The following ATP1A4 variants were observed in gnomAD, a reference collection of about 807,000 sequenced individuals.
The protein encoded by ATP1A4 is ATPase Na+/K+ transporting subunit alpha 4, also known as sodium/potassium-transporting ATPase subunit alpha-4.
Under a neutral mutation model 114.3 loss-of-function variants are expected in ATP1A4, and 90 were observed. The observed-to-expected ratio is 0.79, with a 90% CI of 0.66 to 0.94. The LOEUF (loss-of-function observed/expected upper bound fraction) is 0.94. ATP1A4 is among the 40% of genes least tolerant of loss of function. The probability of loss-of-function intolerance (pLI) is 0.00; values close to 1 mark genes in which losing one functional copy is unlikely to be tolerated. For synonymous variants in ATP1A4, 511 were observed against 494.1 expected (o/e 1.03, Z -0.45); for missense variants, 1,222 against 1,313.6 (o/e 0.93, Z 1.08).
At position 160,186,330 on chromosome 1, in the gene ATP1A4, T is replaced by A. The variant is rs768745501; in HGVS notation, c.3024T>A (p.Asp1008Glu). Residue 1008 changes from aspartate to glutamate, a missense_variant, in exon 21 of 22, where the codon GAT (aspartate) becomes GAA (glutamate). Physicochemically the swap from Asp to Glu is conservative, Grantham distance 45. Coordinates refer to ENST00000368081, the MANE Select transcript of ATP1A4 (RefSeq NM_144699.4). ...ACAGTATTCTCATCTTCGTCTATGA[T>A]GAAATCAGAAAACTCCTCATCCGTC... Reference protein sequence around the residue: ...IPYSILIFVYDEIRKLLIRQH... With the variant: ...IPYSILIFVYEEIRKLLIRQH... 1 of 1,613,844 alleles carries A rather than the reference T, an allele frequency of 6.2e-7. No individual in the cohort carries two copies. The highest frequency in any genetic ancestry group is 1.1e-5 in the South Asian group (1 of 91,076).
intron 7 of ATP1A4, among the ~76,000 whole-genome samples, chr1:160,165,734 C>T (rs1016168130): frequency 1.3e-5 from 2 of 152,122 alleles, no homozygotes; most frequent in Non-Finnish European, 2.9e-5. Context: ...CAGAATGAGA[C>T]TCCGTCTCGA....
At chr1:160,156,187 G>A (rs2102010271) in intron 4 of ATP1A4, 29 bp downstream of exon 4, 1 of 1,432,668 alleles carries the variant, frequency 7.0e-7, no homozygotes, top group Non-Finnish European at 9.9e-7. Flanking sequence ...GATCTAGTGG[G>A]AGCAGGAGCA....
chr1:160,163,143 C>A (rs996618710), intron 6 of ATP1A4, among the ~76,000 whole-genome samples: 1 of 152,090 alleles, frequency 6.6e-6, no homozygotes, highest in Admixed American at 6.6e-5. Context: ...TCTTGGGTGA[C>A]CATCTCTGAT....
intron 15 of ATP1A4, 23 bp downstream of exon 15, chr1:160,174,770 G>C (rs745370060): frequency 6.2e-7 from 1 of 1,613,350 alleles, no homozygotes; most frequent in Non-Finnish European, 8.5e-7. Context: ...GGTGCCCATG[G>C]TGGAGACTTC....
chr1:160,160,459 T>C (rs1652831117), intron 6 of ATP1A4, among the ~76,000 whole-genome samples: 1 of 152,132 alleles, frequency 6.6e-6, no homozygotes, highest in South Asian at 2.1e-4. Context: ...TCAAGTGATC[T>C]GCCCTCCTCG....
rs764856675 is a variant in ATP1A4 at position 160,177,570 on chromosome 1, A to C, written c.2642A>C (p.Glu881Ala). 20 of 1,614,172 alleles carry C rather than the reference A, an allele frequency of 1.2e-5. No homozygotes were observed. The South Asian group carries it at 2.2e-4, about 18-fold the overall frequency. Residue 881 changes from glutamate (E) to alanine (A), a missense_variant, in exon 18 of 22, where the codon GAG (glutamate) becomes GCG (alanine). By Grantham distance (107) the Glu-to-Ala change is moderately radical. Transcript: ENST00000368081. ...TTTACCTACTTTGTAATCCTGGCTGAGAATGGTTTTAGGCCTGTTGATCTG... is the reference window on the plus strand; with the variant it reads ...TTTACCTACTTTGTAATCCTGGCTGCGAATGGTTTTAGGCCTGTTGATCTG... ...GFFTYFVILAENGFRPVDLLG... is the reference protein window; with the variant it reads ...GFFTYFVILAANGFRPVDLLG...
Position 160,176,526 on chromosome 1 carries a change from G to T in ATP1A4, c.2514G>T (p.Met838Ile), listed in dbSNP as rs1653470099. Residue 838 changes from methionine (M) to isoleucine (I), a missense_variant, in exon 17 of 22, where the codon ATG becomes ATT. Transcript: ENST00000368081. Reference protein sequence around the residue: ...LAYESAESDIMKRLPRNPKTD... With the variant: ...LAYESAESDIIKRLPRNPKTD... ...ATGAGTCAGCTGAAAGCGACATCAT[G>T]AAGAGGCTTCCAAGGAACCCAAAGA... is the stretch of plus-strand genomic sequence containing the variant. 1.2e-6 allele frequency: 2 copies of T among 1,614,068 alleles called. No homozygotes were observed. The highest frequency in any genetic ancestry group is 1.7e-5 in the Admixed American group (1 of 59,998).
rs775927817 is a variant in ATP1A4, at chr1:160,173,616, T to A, written c.1890T>A (p.Ala630=). ...TAACAGGAGATCATCCCATTACAGC[T>A]AAGGCCATTGCCAAGGGTGTGGGCA... ...IMVTGDHPIT[A]KAIAKGVGII... Residue 630 remains alanine (A), a synonymous_variant, in exon 13 of 22, where the codon GCT becomes GCA. Coordinates refer to ENST00000368081, the MANE Select transcript of ATP1A4 (RefSeq NM_144699.4). The A allele has an allele frequency of 3.1e-6, 5 of 1,614,072 alleles. No individual in the cohort carries two copies. In the African/African-American group the frequency reaches 6.7e-5, roughly 22 times the overall value.
chr1:160,167,464 C>G, intron 10 of ATP1A4, 52 bp downstream of exon 10: 1 of 1,598,612 alleles, frequency 6.3e-7, no homozygotes, highest in Non-Finnish European at 8.5e-7. Context: ...GGGCTTATCA[C>G]TGGAACAAGG....
At chr1:160,159,587 A>G (rs1652798887) in intron 6 of ATP1A4, 61 bp downstream of exon 6, 1 of 1,440,210 alleles carries the variant, frequency 6.9e-7, no homozygotes, top group Admixed American at 2.0e-5. Context: ...TAAAGATTTT[A>G]ATAACTGTCT....
Position 160,158,205 on chromosome 1 carries a change from G to A in ATP1A4, c.526-797G>A, listed in dbSNP as rs370116445. Among the ~76,000 whole-genome samples the A allele has an allele frequency of 1.1e-4, 17 of 152,258 alleles. 1 individual carries two copies. The East Asian group carries it at 3.1e-3, about 28-fold the overall frequency. Reference sequence around the variant, plus strand: ...GTGCTGTTGTTCCTCAGCTGGGGCTGGATGGTCTTAGATGACCTCATCCAC... The same window carrying A: ...GTGCTGTTGTTCCTCAGCTGGGGCTAGATGGTCTTAGATGACCTCATCCAC... On this transcript the variant is annotated intron_variant, in intron 4 of 21. Transcript: ENST00000368081.
intron 12 of ATP1A4, among the ~76,000 whole-genome samples, chr1:160,172,694 C>T (rs914776736): frequency 6.6e-6 from 1 of 152,134 alleles, no homozygotes. Flanking sequence ...GGCTCCTAGA[C>T]TTGGGGGATT....
intron 6 of ATP1A4, among the ~76,000 whole-genome samples, chr1:160,162,761 G>C (rs1027212493): frequency 6.6e-6 from 1 of 152,178 alleles, no homozygotes; most frequent in Non-Finnish European, 1.5e-5. Context: ...TGTGTTAGGG[G>C]ATAAGGGGAT....
chr1:160,170,951 C>T (rs2101642571), intron 10 of ATP1A4: 1 of 276,544 alleles, frequency 3.6e-6, no homozygotes, highest in East Asian at 6.6e-5. Context: ...TTTCTGCTCT[C>T]TCGCCATCCA....
At chr1:160,162,717 T>TGGTGGGTAG (rs1652903737) in intron 6 of ATP1A4, among the ~76,000 whole-genome samples, 3 of 152,118 alleles carry the variant, frequency 2.0e-5, no homozygotes, top group Admixed American at 2.0e-4. Context: ...GGAAGGGGGT[T>TGGTGGGTAG]GGTGGGTAGG....
intron 7 of ATP1A4, among the ~76,000 whole-genome samples, chr1:160,166,301 T>A (rs1016593264): frequency 2.2e-4 from 33 of 152,124 alleles, no homozygotes; most frequent in African/African-American, 3.1e-4. Context: ...ACATTTTTTT[T>A]AAATACACTC....
intron 10 of ATP1A4, chr1:160,170,744 C>A: frequency 6.6e-6 from 1 of 151,254 alleles, no homozygotes; most frequent in Non-Finnish European, 1.5e-5. Flanking sequence ...CCACCATGCC[C>A]AGCTAATTTT....
At chr1:160,174,317 C>G (rs1653377261) in intron 14 of ATP1A4, 56 bp downstream of exon 14, 4 of 1,607,558 alleles carry the variant, frequency 2.5e-6, no homozygotes, top group African/African-American at 2.7e-5. Context: ...GGCTTAGCCC[C>G]GTCCCAAACC....
At position 160,174,627 on chromosome 1, in the gene ATP1A4, C is replaced by T; in HGVS notation, c.2191C>T (p.Leu731=). The change falls in exon 15 of 22, where the codon CTG becomes TTG. Residue 731 remains leucine (L), a synonymous_variant. Transcript: ENST00000368081. ...TGDGVNDSPA[L]KKADIGIAMG... ...TGACGGGGTGAACGACTCCCCTGCG[C>T]TGAAGAAGGCTGACATTGGCATTGC... 4 of 1,614,200 alleles carry T rather than the reference C, an allele frequency of 2.5e-6. No individual in the cohort carries two copies. The highest frequency in any genetic ancestry group is 1.3e-5 in the African/African-American group (1 of 75,048).
Sources: gnomAD v4.1 joint callset for allele counts (sites outside exome capture counted in the v4.1 genomes callset) on GRCh38, gnomAD v4.1.1 for gene constraint, MANE v1.5 for transcripts, NCBI Gene and HGNC (gene_info 2026-07-23, HGNC 2026-07-21) for gene names.